PCBP3: variants seen among roughly 807,000 people sequenced by gnomAD.
PCBP3 encodes poly(rC) binding protein 3.
In PCBP3, 25 loss-of-function variants were observed where a neutral mutation model predicts 52.7. The ratio of observed to expected loss-of-function variants is 0.47; its 90% CI spans 0.35 to 0.66. The LOEUF is 0.66. Ranked by LOEUF, PCBP3 falls within the 30% of genes least tolerant of loss-of-function variation. The pLI is 0.01. For synonymous variants in PCBP3, 162 were observed against 183.0 expected, an observed-to-expected ratio of 0.89 and a Z score of 0.93; for missense variants, 391 against 490.3, an observed-to-expected ratio of 0.80 and a Z score of 1.91.
intron 1 of PCBP3, among the ~76,000 whole-genome samples, chr21:45,666,479 A>G (rs1033222422): frequency 3.3e-4 from 50 of 152,208 alleles, no homozygotes; most frequent in African/African-American, 1.1e-3. Context: ...TTTCTGTACT[A>G]TCTAGTGTCC....
intron 4 of PCBP3, among the ~76,000 whole-genome samples, chr21:45,816,343 G>A (rs62214604): frequency 0.18 from 27,729 of 151,484 alleles, 2,699 homozygotes; most frequent in Middle Eastern, 0.33. Context: ...TTGTAATAAC[G>A]CTTAGCTTAA....
intron 4 of PCBP3, among the ~76,000 whole-genome samples, chr21:45,816,560 A>C (rs1299249218): frequency 7.6e-6 from 1 of 132,440 alleles, no homozygotes; most frequent in Non-Finnish European, 1.6e-5. Flanking sequence ...ACACACACAC[A>C]CACTTTAGCC....
At chr21:45,877,102 C>T (rs1426883421) in intron 5 of PCBP3, among the ~76,000 whole-genome samples, 1 of 152,274 alleles carries the variant, frequency 6.6e-6, no homozygotes, top group Non-Finnish European at 1.5e-5. Context: ...ACTTGGGCCT[C>T]ACATGACACT....
intron 2 of PCBP3, among the ~76,000 whole-genome samples, chr21:45,726,630 A>G (rs1346746105): frequency 6.6e-6 from 1 of 152,076 alleles, no homozygotes; most frequent in Non-Finnish European, 1.5e-5. Flanking sequence ...AGACAGTGCC[A>G]ACCTTCCCTG....
chr21:45,824,383 A>G lies in PCBP3; in HGVS notation c.-125-25578A>G, dbSNP rs548791084. Among the ~76,000 whole-genome samples the G allele has an allele frequency of 2.6e-5, 4 of 152,354 alleles. No individual in the cohort carries two copies. The East Asian group carries it at 7.7e-4, about 29-fold the overall frequency. On this transcript the variant is annotated intron_variant, in intron 4 of 17. Transcript: ENST00000681687. ...GTCTAACTAAGAGACTCAGGGCATC[A>G]GGCAAGTCATGTCAGAAAGGTTGGC...
intron 5 of PCBP3, among the ~76,000 whole-genome samples, chr21:45,885,758 A>G (rs555548091): frequency 6.6e-6 from 1 of 152,000 alleles, no homozygotes; most frequent in African/African-American, 2.4e-5. Flanking sequence ...GAGGTATTCT[A>G]TTCTGTTTTC....
chr21:45,767,170 A>AC (rs1041793869), intron 4 of PCBP3, among the ~76,000 whole-genome samples: 5 of 150,762 alleles, frequency 3.3e-5, no homozygotes, highest in African/African-American at 7.3e-5. Flanking sequence ...GAACATTCTC[A>AC]CCCCCCCAAA....
At chr21:45,683,723 G>A (rs902768662) in intron 2 of PCBP3, among the ~76,000 whole-genome samples, 3 of 151,976 alleles carry the variant, frequency 2.0e-5, no homozygotes, top group Non-Finnish European at 2.9e-5. Context: ...TCAGGAGATC[G>A]AGACCATCCT....
chr21:45,693,801 C>G (rs2147839570), intron 2 of PCBP3, among the ~76,000 whole-genome samples: 1 of 152,102 alleles, frequency 6.6e-6, no homozygotes, highest in South Asian at 2.1e-4. Context: ...TTAGCAAGTT[C>G]TTTAGGTTGA....
chr21:45,894,542 T>C (rs2095772873), intron 5 of PCBP3, among the ~76,000 whole-genome samples: 1 of 152,232 alleles, frequency 6.6e-6, no homozygotes, highest in Non-Finnish European at 1.5e-5. Context: ...ACTGATACTC[T>C]GCTCTCCTTT....
rs2145905016 is a variant in PCBP3, at chr21:45,737,510, T to C, written c.-162+2081T>C. ...AATTCTTCTGAGCCTAACTGTAGGC[T>C]CTTCAGACCCAGCCTACAGTTCTGG... On this transcript the variant is annotated intron_variant, in intron 3 of 17. Coordinates refer to ENST00000681687, the MANE Select transcript of PCBP3 (RefSeq NM_001384156.1). This position sits in a 1 kb window ranked among gnomAD's most constrained non-coding sequence, Gnocchi z 4.9. Among the ~76,000 whole-genome samples the C allele has an allele frequency of 6.6e-6, 1 of 152,288 alleles. No homozygotes were observed. The highest frequency in any genetic ancestry group is 1.9e-4 in the East Asian group (1 of 5,168).
At chr21:45,733,791 G>A (rs2085644658) in intron 2 of PCBP3, among the ~76,000 whole-genome samples, 1 of 151,948 alleles carries the variant, frequency 6.6e-6, no homozygotes. Flanking sequence ...AATAGAGATG[G>A]GATTTCATCA....
chr21:45,940,624 C>T (rs1278818749), intron 17 of PCBP3, among the ~76,000 whole-genome samples: 1 of 151,302 alleles, frequency 6.6e-6, no homozygotes, highest in Admixed American at 6.6e-5. Context: ...CAGGACTCTG[C>T]AGGCCGCTTC....
chr21:45,908,740 G>A (rs547770232), intron 9 of PCBP3, among the ~76,000 whole-genome samples: 46 of 152,276 alleles, frequency 3.0e-4, no homozygotes, highest in African/African-American at 1.0e-3. Context: ...TGTCCCCCAC[G>A]GGTTGCCAGC....
intron 5 of PCBP3, among the ~76,000 whole-genome samples, chr21:45,888,036 A>G (rs979659803): frequency 6.6e-6 from 1 of 152,154 alleles, no homozygotes; most frequent in African/African-American, 2.4e-5. Context: ...GAGGGGGCTA[A>G]CGGTTCTCAG....
Position 45,802,707 on chromosome 21 carries a change from G to C in PCBP3, c.-125-47254G>C, listed in dbSNP as rs2092351893. Among the ~76,000 whole-genome samples the C allele has an allele frequency of 6.6e-6, 1 of 152,160 alleles. No homozygotes were observed. Among genetic ancestry groups the C allele is most frequent in the Non-Finnish European group, 1.5e-5 (1 of 68,032 alleles). On this transcript the variant is annotated intron_variant, in intron 4 of 17. Transcript: ENST00000681687. The surrounding 1 kb of genome is among the most constrained non-coding windows in gnomAD (Gnocchi z 5.1). ...CATGGGGAGGAGAGGCCCTGAGGGAGGCAGGAGCAGGAGGGGCATCGTGTC... is the reference window on the plus strand; with the variant it reads ...CATGGGGAGGAGAGGCCCTGAGGGACGCAGGAGCAGGAGGGGCATCGTGTC...
intron 5 of PCBP3, among the ~76,000 whole-genome samples, chr21:45,892,816 C>T (rs966488489): frequency 6.6e-6 from 1 of 152,232 alleles, no homozygotes; most frequent in African/African-American, 2.4e-5. Flanking sequence ...CACCTTCACT[C>T]CATCCACCTG....
rs1054585049 is a variant in PCBP3 at position 45,703,938 on chromosome 21, T to G, written c.-199-31454T>G. On this transcript the variant is annotated intron_variant, in intron 2 of 17. Transcript: ENST00000681687. ...GGACATGTCCTGTGGTGGATAGCAATGGAATGTTACATGTTAGCAGGGGTT... is the reference window on the plus strand; with the variant it reads ...GGACATGTCCTGTGGTGGATAGCAAGGGAATGTTACATGTTAGCAGGGGTT... Among the ~76,000 whole-genome samples, 6 of 151,978 alleles carry G rather than the reference T, an allele frequency of 3.9e-5. 1 individual carries two copies. Among genetic ancestry groups the G allele is most frequent in the Admixed American group, 3.9e-4 (6 of 15,264 alleles).
intron 13 of PCBP3, among the ~76,000 whole-genome samples, chr21:45,921,688 A>G (rs577021674): frequency 6.6e-6 from 1 of 152,200 alleles, no homozygotes; most frequent in South Asian, 2.1e-4. Flanking sequence ...ACGTGGTGGC[A>G]CACGCCTGTA....
Sources: allele counts gnomAD v4.1 joint callset (sites outside exome capture counted in the v4.1 genomes callset), GRCh38; gene constraint gnomAD v4.1.1; non-coding constraint Gnocchi (gnomAD v3.1); transcripts MANE v1.5; gene names NCBI Gene and HGNC (gene_info 2026-07-23, HGNC 2026-07-21).